Variants in SCHIP1 observed in about 807,000 individuals in gnomAD.
The protein encoded by SCHIP1 is schwannomin interacting protein 1, also known as schwannomin-interacting protein 1.
In SCHIP1, 8 loss-of-function variants were observed where a neutral mutation model predicts 29.7. That is an observed-to-expected ratio of 0.27 (90% CI 0.16 to 0.49). The LOEUF is 0.49. Ranked by LOEUF, SCHIP1 falls within the 20% of genes least tolerant of loss-of-function variation. The pLI, the probability that SCHIP1 is intolerant of heterozygous loss-of-function variation, is 0.99. For missense variants in SCHIP1, 193 were observed against 294.6 expected (o/e 0.66, Z 2.52); for synonymous variants, 76 against 94.9 (o/e 0.80, Z 1.16).
chr3:159,892,783 T>C (rs1304412439), intron 6 of SCHIP1: 2 of 153,118 alleles, frequency 1.3e-5, no homozygotes, highest in African/African-American at 4.8e-5. Context: ...AGGCTAATGC[T>C]GGTCAAAATT....
the SCHIP1 span, among the ~76,000 whole-genome samples, chr3:159,548,795 GTTTCCT>G: frequency 1.3e-5 from 2 of 152,044 alleles, no homozygotes; most frequent in Admixed American, 6.6e-5. Context: ...TTATGAATAT[GTTTCCT>G]TTTCATCTTT....
chr3:159,622,376 C>T, the SCHIP1 span, among the ~76,000 whole-genome samples: 1 of 152,140 alleles, frequency 6.6e-6, no homozygotes, highest in Admixed American at 6.5e-5. Flanking sequence ...CAAATAGCAT[C>T]TGTAGGCATA....
intron 1 of SCHIP1, among the ~76,000 whole-genome samples, chr3:159,852,078 GTCT>G: frequency 2.0e-5 from 3 of 152,318 alleles, no homozygotes; most frequent in Admixed American, 2.0e-4. Flanking sequence ...TATGCCACAA[GTCT>G]TCTACAAATT....
At chr3:159,819,558 C>T in the SCHIP1 span, among the ~76,000 whole-genome samples, 7 of 152,182 alleles carry the variant, frequency 4.6e-5, no homozygotes, top group African/African-American at 1.7e-4. Flanking sequence ...TGGCACTGCT[C>T]TTTATCTGCT....
At chr3:159,599,843 T>C in the SCHIP1 span, among the ~76,000 whole-genome samples, 1 of 152,230 alleles carries the variant, frequency 6.6e-6, no homozygotes, top group East Asian at 1.9e-4. Context: ...GTTTTCATGA[T>C]GGTAGATGTC....
At chr3:159,273,659 G>A in the SCHIP1 span, 1 of 1,369,772 alleles carries the variant, frequency 7.3e-7, no homozygotes, top group South Asian at 1.9e-5. Context: ...CATGGTGGTT[G>A]ATAACCGAAG....
At chr3:159,704,864 TTTTCTTTC>T in the SCHIP1 span, among the ~76,000 whole-genome samples, 37,869 of 132,806 alleles carry the variant, frequency 0.29, 6,337 homozygotes, top group Non-Finnish European at 0.37. Flanking sequence ...TTCCTTCCTT[TTTTCTTTC>T]TTTCTTTCTT....
chr3:159,694,540 GAAAGAAAGAAAGAAA>G, the SCHIP1 span, among the ~76,000 whole-genome samples: 6 of 4,848 alleles, frequency 1.2e-3, no homozygotes, highest in African/African-American at 2.8e-3. Context: ...GAAAAGACAA[GAAAGAAAGAAAGAAA>G]GAAAGAAAGA....
At chr3:159,816,041 C>T in the SCHIP1 span, among the ~76,000 whole-genome samples, 1 of 151,828 alleles carries the variant, frequency 6.6e-6, no homozygotes, top group South Asian at 2.1e-4. Flanking sequence ...CTCTGCCTCC[C>T]AGGTTCAAGC....
chr3:159,487,468 C>A, the SCHIP1 span, among the ~76,000 whole-genome samples: 7 of 152,100 alleles, frequency 4.6e-5, no homozygotes, highest in African/African-American at 1.7e-4. Flanking sequence ...CACAGCAGTG[C>A]AGGAGCAGCC....
At chr3:159,728,002 G>T in the SCHIP1 span, among the ~76,000 whole-genome samples, 464 of 124,994 alleles carry the variant, frequency 3.7e-3, 4 homozygotes, top group African/African-American at 0.012. Flanking sequence ...TCCTGTTTTT[G>T]TTTTTTTTTT....
At chr3:159,295,548 T>C in the SCHIP1 span, among the ~76,000 whole-genome samples, 1 of 152,180 alleles carries the variant, frequency 6.6e-6, no homozygotes, top group Non-Finnish European at 1.5e-5. Context: ...CCTTCATTTT[T>C]TCTTTCTGCC....
the SCHIP1 span, among the ~76,000 whole-genome samples, chr3:159,628,626 G>C: frequency 6.6e-6 from 1 of 152,114 alleles, no homozygotes; most frequent in African/African-American, 2.4e-5. Context: ...AGAATTGAAA[G>C]TAAAAGATGT....
chr3:159,833,117 T>C, the SCHIP1 span, among the ~76,000 whole-genome samples: 2 of 152,146 alleles, frequency 1.3e-5, no homozygotes, highest in South Asian at 4.1e-4. Flanking sequence ...ACTGAGTTAG[T>C]TTTCTATTTC....
chr3:159,493,828 C>T, the SCHIP1 span, among the ~76,000 whole-genome samples: 1 of 152,158 alleles, frequency 6.6e-6, no homozygotes, highest in African/African-American at 2.4e-5. Context: ...CACACCAATT[C>T]CAAAATCGAC....
chr3:159,592,414 A>G, the SCHIP1 span, among the ~76,000 whole-genome samples: 3 of 151,946 alleles, frequency 2.0e-5, no homozygotes, highest in African/African-American at 7.3e-5. Flanking sequence ...AAACTTCTTA[A>G]CACACCATAA....
the SCHIP1 span, among the ~76,000 whole-genome samples, chr3:159,626,010 A>T: frequency 1.3e-5 from 2 of 151,478 alleles, no homozygotes; most frequent in African/African-American, 2.4e-5. Context: ...ATGAACAGCG[A>T]TGGTAGTTGC....
At chr3:159,310,324 CCTTA>C in the SCHIP1 span, among the ~76,000 whole-genome samples, 6 of 152,114 alleles carry the variant, frequency 3.9e-5, no homozygotes, top group African/African-American at 1.4e-4. Flanking sequence ...GTAATGCATC[CCTTA>C]CTTCTCTCTC....
the SCHIP1 span, among the ~76,000 whole-genome samples, chr3:159,645,038 C>T: frequency 4.6e-5 from 7 of 152,304 alleles, no homozygotes; most frequent in African/African-American, 1.7e-4. Flanking sequence ...AGGCAGAGAA[C>T]ATCTGCTTTA....
Sources: allele counts gnomAD v4.1 joint callset (sites outside exome capture counted in the v4.1 genomes callset), GRCh38; gene constraint gnomAD v4.1.1; transcripts MANE v1.5; gene names NCBI Gene and HGNC (gene_info 2026-07-23, HGNC 2026-07-21).